The following GALC variants were observed in gnomAD, a reference collection of about 807,000 sequenced individuals.
GALC encodes galactosylceramidase.
Under a neutral mutation model 91.8 loss-of-function variants are expected in GALC, and 77 were observed. That is an observed-to-expected ratio of 0.84 (90% confidence interval 0.70 to 1.01). The LOEUF (loss-of-function observed/expected upper bound fraction) is 1.01. Among genes scored for constraint, GALC ranks in the 50% least tolerant of loss-of-function variants. The pLI is 0.00. For synonymous variants in GALC, 357 were observed against 306.7 expected (o/e 1.16, Z -1.71); for missense variants, 882 against 855.9 (o/e 1.03, Z -0.38).
In GALC at chr14:87,986,551, C is replaced by T. The variant is rs775886832; in HGVS notation, c.380G>A (p.Arg127Gln). Residue 127 changes from arginine (R) to glutamine (Q), a missense_variant, in exon 4 of 17, where the codon CGA becomes CAA. By Grantham distance (43) the Arg-to-Gln change is conservative. Coordinates refer to ENST00000261304, the MANE Select transcript of GALC (RefSeq NM_000153.4). ...TTTCATCAACCACCACTCGTATCCT[C>T]GGAAATAATTCTCATCTAGTGCATA... ...MHYALDENYF[R>Q]GYEWWLMKEA... 8 of 1,613,744 alleles carry T rather than the reference C, an allele frequency of 5.0e-6. No homozygotes were observed. The South Asian group carries it at 6.6e-5, about 13-fold the overall frequency.
intron 12 of GALC, 46 bp from the exon 13 acceptor site, chr14:87,947,924 C>T (rs1203218903): frequency 1.3e-6 from 2 of 1,565,596 alleles, no homozygotes; most frequent in East Asian, 4.5e-5. Context: ...TACTATAGCT[C>T]ATCTCATGTG....
intron 10 of GALC, chr14:87,954,718 G>C (rs1029144743): frequency 1.3e-6 from 2 of 1,554,490 alleles, no homozygotes; most frequent in African/African-American, 2.7e-5. Context: ...CAGCTCAGAA[G>C]ATAGCTCTAA....
Position 87,941,470 on chromosome 14 carries a change from T to C in GALC, c.1759A>G (p.Ile587Val), listed in dbSNP as rs1489705843. ...FIAGRVNKGG[I>V]LIRSARGIFF... is the part of the protein sequence containing the mutation. ...ATTCCTCTGGCACTTCTAATCAAAA[T>C]ACCACCTTTATTTACTCTTCCTGCA... is the stretch of plus-strand genomic sequence containing the variant. Residue 587 changes from isoleucine (I) to valine (V), a missense_variant, in exon 15 of 17, where the codon ATT becomes GTT. By Grantham distance (29) the Ile-to-Val change is conservative (BLOSUM62 3). Transcript: ENST00000261304. 5.0e-6 allele frequency: 8 copies of C among 1,606,898 alleles called. No homozygotes were observed. The highest frequency in any genetic ancestry group is 2.2e-5 in the East Asian group (1 of 44,758).
intron 13 of GALC, 63 bp from the exon 14 acceptor site, chr14:87,945,796 T>C (rs573540149): frequency 8.2e-7 from 1 of 1,223,776 alleles, no homozygotes; most frequent in Non-Finnish European, 1.2e-6. Flanking sequence ...TCCTTGCTGA[T>C]ATTTTATAGT....
rs564737133 is a variant in GALC, at chr14:87,976,651, G to A, written c.622-163C>T. 3.6e-4 allele frequency: 211 copies of A among 585,022 alleles called. 1 individual carries two copies. Among genetic ancestry groups the A allele is most frequent in the African/African-American group, 3.0e-3 (154 of 51,194 alleles). 36.2% of individuals were successfully genotyped at this position (585,022 alleles called of 1,614,324 possible). A position where few individuals can be genotyped will look rare whatever the true frequency, so the allele number is the denominator to read the frequency against. ...TTTTTCTCAGACAGAGGCTTCTCTC[G>A]TCGCCCAGGCTGGAGTGCAGTGGCA... On this transcript the variant is annotated intron_variant, in intron 6 of 16. Coordinates refer to ENST00000261304, the MANE Select transcript of GALC (RefSeq NM_000153.4).
intron 10 of GALC, among the ~76,000 whole-genome samples, chr14:87,952,353 T>A (rs574261270): frequency 6.6e-6 from 1 of 151,906 alleles, no homozygotes; most frequent in Non-Finnish European, 1.5e-5. Flanking sequence ...TTCAAACCTT[T>A]TCTTAAAGGA....
chr14:87,992,970 C>T lies in GALC; in HGVS notation c.195G>A (p.Gly65=). The stretch of plus-strand genomic sequence containing the variant: ...CGTATCCCCGCAGCTTGCCGCTCAC[C>T]CCGCCGCCGCTGACCGCGCCGATGC... ...FDGIGAVSGG[G]ATSRLLVNYP... Residue 65 remains glycine (G), a splice_region_variant and synonymous_variant, in exon 1 of 17, where the codon GGG becomes GGA. Transcript: ENST00000261304. The T allele has an allele frequency of 1.3e-6, 2 of 1,520,264 alleles. No homozygotes were observed. The highest frequency in any genetic ancestry group is 1.7e-6 in the Non-Finnish European group (2 of 1,143,202). 94.2% of individuals were successfully genotyped at this position (1,520,264 alleles called of 1,614,324 possible). A position where few individuals can be genotyped will look rare whatever the true frequency, so the allele number is the denominator to read the frequency against.
intron 6 of GALC, chr14:87,981,176 G>C (rs1281163410): frequency 6.6e-6 from 1 of 152,252 alleles, no homozygotes; most frequent in African/African-American, 2.4e-5. Context: ...TGGGATTGGA[G>C]ACTATTATTC....
chr14:87,979,170 G>A (rs1453349877), intron 6 of GALC, among the ~76,000 whole-genome samples: 3 of 151,832 alleles, frequency 2.0e-5, no homozygotes, highest in African/African-American at 4.8e-5. Flanking sequence ...GATTACAGGC[G>A]TCTGCCACCA....
Position 87,988,293 on chromosome 14 carries a change from G to C in GALC, c.265-86C>G, listed in dbSNP as rs932951646. Reference sequence around the variant, plus strand: ...ACTAATTACTGCCTTAGGTTTTACAGACGCAAAAACAAAAGCAAAACTTCA... The same window carrying C: ...ACTAATTACTGCCTTAGGTTTTACACACGCAAAAACAAAAGCAAAACTTCA... On this transcript the variant is annotated intron_variant, in intron 2 of 16. Transcript: ENST00000261304. 3.6e-6 allele frequency: 5 copies of C among 1,380,996 alleles called. No homozygotes were observed. The African/African-American group carries it at 7.1e-5, about 20-fold the overall frequency. 85.5% of individuals were successfully genotyped at this position (1,380,996 alleles called of 1,614,324 possible).
In GALC at chr14:87,934,749, C is replaced by T. The variant is rs200607029; in HGVS notation, c.2041G>A (p.Val681Met). The T allele has an allele frequency of 7.5e-5, 121 of 1,613,206 alleles. 2 individuals carry two copies. The highest frequency in any genetic ancestry group is 7.2e-4 in the South Asian group (66 of 91,074). The change falls in exon 17 of 17, where the codon GTG (valine) becomes ATG (methionine). Residue 681 changes from valine to methionine, a missense_variant. By Grantham distance (21) the Val-to-Met change is conservative. Coordinates refer to ENST00000261304, the MANE Select transcript of GALC (RefSeq NM_000153.4). ...GTTAAGTATTAGCGTGTGGCTTCCA[C>T]AAGAAAGTTGTCAAACTGTGCAAAT... ...FEFAQFDNFL[V>M]EATR
chr14:87,936,921 T>TATA (rs1176265523), intron 16 of GALC, among the ~76,000 whole-genome samples: 1 of 141,188 alleles, frequency 7.1e-6, no homozygotes, highest in African/African-American at 2.7e-5. Context: ...TATTTATTTA[T>TATA]TTTCTCATTG....
In GALC at chr14:87,954,394, G is replaced by C. The variant is rs373084209; in HGVS notation, c.1162-3646C>G. ...AACAGGCCCAAGATCAACATTATGT[G>C]CTTGTATTATGGAGTCCTGGAGCAG... is the stretch of plus-strand genomic sequence containing the variant. On this transcript the variant is annotated intron_variant, in intron 10 of 16. Transcript: ENST00000261304. The C allele has an allele frequency of 5.2e-5, 83 of 1,599,274 alleles. 1 individual carries two copies. The highest frequency in any genetic ancestry group is 3.8e-4 in the Middle Eastern group (2 of 5,236).
intron 3 of GALC, 196 bp downstream of exon 3, chr14:87,987,946 ATT>A: frequency 1.8e-6 from 1 of 570,780 alleles, no homozygotes; most frequent in East Asian, 2.9e-5. Flanking sequence ...AAGTTTGAAT[ATT>A]GTTTTTGATG....
intron 1 of GALC, 66 bp from the exon 2 acceptor site, chr14:87,988,589 T>C (rs956115992): frequency 1.8e-6 from 2 of 1,124,226 alleles, no homozygotes; most frequent in African/African-American, 1.5e-5. Context: ...GTCTACAGTG[T>C]TCACGCACAC....
chr14:87,936,914 T>TATATATATATATATATATATATGTATATA (rs60680373), intron 16 of GALC, among the ~76,000 whole-genome samples: 1 of 105,662 alleles, frequency 9.5e-6, no homozygotes, highest in East Asian at 3.5e-4. Context: ...ATATATATAT[T>TATATATATATATATATATATATGTATATA]TATTTATTTT....
chr14:87,953,109 C>T (rs779969990), intron 10 of GALC: 2 of 1,496,180 alleles, frequency 1.3e-6, no homozygotes, highest in Admixed American at 1.7e-5. Context: ...AATACAAAAC[C>T]AGTGTTTGGG....
At chr14:87,945,861 GT>G in intron 13 of GALC, 128 bp from the exon 14 acceptor site, 1 of 707,536 alleles carries the variant, frequency 1.4e-6, no homozygotes, top group Non-Finnish European at 2.4e-6. Context: ...CTAAACCAAA[GT>G]TTAGGGCCTA....
At chr14:87,969,249 C>G (rs1454200458) in intron 7 of GALC, among the ~76,000 whole-genome samples, 1 of 152,008 alleles carries the variant, frequency 6.6e-6, no homozygotes. Flanking sequence ...AGAAGAGAGG[C>G]CAAAAATGCT....
Sources: gnomAD v4.1 joint callset for allele counts (sites outside exome capture counted in the v4.1 genomes callset) on GRCh38, gnomAD v4.1.1 for gene constraint, MANE v1.5 for transcripts, NCBI Gene and HGNC (gene_info 2026-07-23, HGNC 2026-07-21) for gene names.